RBFOX1: variants seen among roughly 807,000 people sequenced by gnomAD.
RBFOX1 encodes the protein RNA binding protein fox-1 homolog 1.
A neutral mutation model predicts 57.7 loss-of-function variants in RBFOX1; 8 were observed. The ratio of observed to expected loss-of-function variants is 0.14; its 90% confidence interval spans 0.08 to 0.25. The LOEUF is 0.25. Among genes scored for constraint, RBFOX1 ranks in the 10% least tolerant of loss-of-function variants. The pLI, the probability that RBFOX1 is intolerant of heterozygous loss-of-function variation, is 1.00. For missense variants in RBFOX1, 611 were observed against 548.5 expected (o/e 1.11, Z -1.14); for synonymous variants, 326 against 222.4 (o/e 1.47, Z -4.15).
At chr16:6,569,684 T>C (rs1040415033) in intron 2 of RBFOX1, among the ~76,000 whole-genome samples, 1 of 152,224 alleles carries the variant, frequency 6.6e-6, no homozygotes, top group Non-Finnish European at 1.5e-5. Context: ...ACCCATCCTG[T>C]GAGTACCTTG....
intron 3 of RBFOX1, among the ~76,000 whole-genome samples, chr16:6,730,747 T>C (rs1307975464): frequency 1.3e-5 from 2 of 152,164 alleles, no homozygotes; most frequent in East Asian, 3.9e-4. Flanking sequence ...CAAAACCGAT[T>C]ATTTAGTGGG....
At chr16:6,762,170 A>G (rs1426111221) in intron 3 of RBFOX1, among the ~76,000 whole-genome samples, 3 of 152,064 alleles carry the variant, frequency 2.0e-5, no homozygotes, top group African/African-American at 7.3e-5. Context: ...AGTAACAGTA[A>G]CATAAAAATT....
chr16:7,262,700 C>T (rs1434591788), intron 4 of RBFOX1, among the ~76,000 whole-genome samples: 1 of 152,250 alleles, frequency 6.6e-6, no homozygotes, highest in Non-Finnish European at 1.5e-5. Context: ...GAATAATCAG[C>T]AGGTGTCTTG....
At chr16:7,508,260 G>A (rs906329945) in intron 4 of RBFOX1, among the ~76,000 whole-genome samples, 1 of 152,156 alleles carries the variant, frequency 6.6e-6, no homozygotes, top group Non-Finnish European at 1.5e-5. Flanking sequence ...TTACAAGCGT[G>A]AGCCACCGCG....
chr16:6,912,655 A>G (rs920352392), intron 3 of RBFOX1, among the ~76,000 whole-genome samples: 2 of 149,480 alleles, frequency 1.3e-5, no homozygotes, highest in Admixed American at 6.7e-5. Flanking sequence ...TCACTGTGTC[A>G]TCCAGGCTGG....
At chr16:7,274,264 A>G (rs2095397198) in intron 4 of RBFOX1, among the ~76,000 whole-genome samples, 1 of 152,192 alleles carries the variant, frequency 6.6e-6, no homozygotes, top group Non-Finnish European at 1.5e-5. Flanking sequence ...AACTGCTTGC[A>G]TTGTCATTTA....
intron 4 of RBFOX1, among the ~76,000 whole-genome samples, chr16:7,088,500 C>G (rs923407388): frequency 2.6e-5 from 4 of 151,026 alleles, no homozygotes; most frequent in African/African-American, 7.3e-5. Context: ...TTTACATGCA[C>G]TTATTCTGGC....
chr16:5,294,302 T>G (rs927975244), intron 1 of RBFOX1, among the ~76,000 whole-genome samples: 1 of 152,130 alleles, frequency 6.6e-6, no homozygotes, highest in Non-Finnish European at 1.5e-5. Context: ...CAAGAGATTC[T>G]GTAGTAATTG....
At chr16:7,225,533 C>G (rs1015026260) in intron 4 of RBFOX1, among the ~76,000 whole-genome samples, 1 of 151,846 alleles carries the variant, frequency 6.6e-6, no homozygotes, top group African/African-American at 2.4e-5. Flanking sequence ...AATTACCAGT[C>G]TCAAGTATGT....
intron 3 of RBFOX1, among the ~76,000 whole-genome samples, chr16:6,822,748 G>A (rs2091519186): frequency 6.6e-6 from 1 of 152,136 alleles, no homozygotes; most frequent in Non-Finnish European, 1.5e-5. Context: ...GAGAGGGGTG[G>A]AAAAGAACCC....
intron 3 of RBFOX1, among the ~76,000 whole-genome samples, chr16:7,049,047 G>A (rs548282303): frequency 3.9e-5 from 6 of 152,144 alleles, no homozygotes; most frequent in Admixed American, 3.9e-4. Flanking sequence ...TTTAGGGTCA[G>A]ATACAGACAT....
intron 6 of RBFOX1, among the ~76,000 whole-genome samples, chr16:7,585,505 A>AACAGAAGTGCTGGTAGTTCTTTGTG (rs2094059798): frequency 6.6e-6 from 1 of 152,132 alleles, no homozygotes; most frequent in Non-Finnish European, 1.5e-5. Flanking sequence ...TGCTTCTCTG[A>AACAGAAGTGCTGGTAGTTCTTTGTG]ACAGAAGTGC....
intron 1 of RBFOX1, among the ~76,000 whole-genome samples, chr16:6,127,288 A>ATTT (rs1567518344): frequency 2.6e-5 from 4 of 151,826 alleles, no homozygotes; most frequent in African/African-American, 9.7e-5. Context: ...TTTTTTTAAA[A>ATTT]AAAAAAAAAA....
At chr16:6,825,388 G>A (rs1436068180) in intron 3 of RBFOX1, among the ~76,000 whole-genome samples, 1 of 151,764 alleles carries the variant, frequency 6.6e-6, no homozygotes, top group Non-Finnish European at 1.5e-5. Context: ...TAAAATTCAC[G>A]AATTAACGGA....
chr16:5,644,099 A>G (rs1191981285), intron 3 of RBFOX1, among the ~76,000 whole-genome samples: 1 of 152,234 alleles, frequency 6.6e-6, no homozygotes, highest in Non-Finnish European at 1.5e-5. Flanking sequence ...GAATGAGCCC[A>G]TTAACCAAAT....
At position 5,373,424 on chromosome 16, in the gene RBFOX1, C is replaced by T. The variant is rs563545433; in HGVS notation, c.220-93792C>T. Among the ~76,000 whole-genome samples the T allele has an allele frequency of 2.6e-5, 4 of 152,132 alleles. No individual in the cohort carries two copies. The East Asian group carries it at 7.8e-4, about 29-fold the overall frequency. ...TCTTCTTGTGATAATGAGTGAGTTC[C>T]CACATCTGGTTGTTTAAAAGTGTGT... On this transcript the variant is annotated intron_variant, in intron 1 of 2. Coordinates refer to the RBFOX1 transcript ENST00000585867.
chr16:6,161,434 T>G (rs980042868), intron 1 of RBFOX1, among the ~76,000 whole-genome samples: 17 of 151,752 alleles, frequency 1.1e-4, no homozygotes, highest in African/African-American at 3.9e-4. Context: ...GTAAATTATC[T>G]TACTCTCTCT....
At chr16:7,537,704 T>TTATGAAA (rs2081868080) in intron 5 of RBFOX1, among the ~76,000 whole-genome samples, 1 of 152,134 alleles carries the variant, frequency 6.6e-6, no homozygotes, top group South Asian at 2.1e-4. Flanking sequence ...ATCCAGGCCC[T>TTATGAAA]TATGCTTGGG....
intron 1 of RBFOX1, among the ~76,000 whole-genome samples, chr16:5,462,013 C>T (rs902967495): frequency 1.3e-5 from 2 of 152,150 alleles, no homozygotes; most frequent in African/African-American, 4.8e-5. Flanking sequence ...GCACCAATTT[C>T]CACTCCCACC....
Sources: gnomAD v4.1 joint callset for allele counts (sites outside exome capture counted in the v4.1 genomes callset) on GRCh38, gnomAD v4.1.1 for gene constraint, MANE v1.5 for transcripts, NCBI Gene and HGNC (gene_info 2026-07-23, HGNC 2026-07-21) for gene names.